IL1RAPL1: variants seen among roughly 807,000 people sequenced by gnomAD.
IL1RAPL1 encodes the protein interleukin-1 receptor accessory protein-like 1.
In IL1RAPL1, 3 loss-of-function variants were observed where a neutral mutation model predicts 48.4. That is an observed-to-expected ratio of 0.06 (90% confidence interval 0.03 to 0.16). The LOEUF (loss-of-function observed/expected upper bound fraction) is 0.16. Ranked by LOEUF, IL1RAPL1 falls within the 10% of genes least tolerant of loss-of-function variation. The pLI, the probability that IL1RAPL1 is intolerant of heterozygous loss-of-function variation, is 1.00. For missense variants in IL1RAPL1, 349 were observed against 530.6 expected (o/e 0.66, Z 3.36); for synonymous variants, 185 against 187.7 (o/e 0.99, Z 0.12).
chrX:29,591,454 C>G (rs1257650736), intron 5 of IL1RAPL1, among the ~76,000 whole-genome samples: 1 of 112,572 alleles, frequency 8.9e-6, no homozygotes, highest in Admixed American at 9.4e-5. Context: ...AGGTCAAACC[C>G]AGTCCTTCTG....
At chrX:28,969,902 AACAC>A (rs67181248) in intron 2 of IL1RAPL1, among the ~76,000 whole-genome samples, 1 of 44,562 alleles carries the variant, frequency 2.2e-5, no homozygotes, top group African/African-American at 1.5e-4. Flanking sequence ...TATGTTTCTA[AACAC>A]ACATATATAT....
Position 29,705,620 on chromosome X carries a change from C to T in IL1RAPL1, c.778+37116C>T, listed in dbSNP as rs774394020. Among the ~76,000 whole-genome samples, 12 of 112,281 alleles carry T rather than the reference C, an allele frequency of 1.1e-4. No homozygotes were observed. In the South Asian group the frequency reaches 1.9e-3, roughly 17 times the overall value. ...AGCAGACTAACATTCACAGTCATTA[C>T]GATACTTTCCCAAAGCCATGTAGCT... On this transcript the variant is annotated intron_variant, in intron 6 of 10. Coordinates refer to ENST00000378993, the MANE Select transcript of IL1RAPL1 (RefSeq NM_014271.4).
At chrX:28,602,054 G>A (rs938014898) in intron 1 of IL1RAPL1, among the ~76,000 whole-genome samples, 12 of 98,678 alleles carry the variant, frequency 1.2e-4, no homozygotes, top group South Asian at 4.8e-4. Context: ...ACAGTGAGCC[G>A]AAATTGCACC....
intron 3 of IL1RAPL1, among the ~76,000 whole-genome samples, chrX:29,317,111 C>T (rs1473948261): frequency 1.8e-5 from 2 of 111,216 alleles, no homozygotes; most frequent in Non-Finnish European, 3.8e-5. Flanking sequence ...GATTATGTTT[C>T]CTAAGGGACC....
intron 2 of IL1RAPL1, among the ~76,000 whole-genome samples, chrX:29,168,479 T>C (rs1003486660): frequency 9.9e-6 from 1 of 100,570 alleles, no homozygotes; most frequent in Non-Finnish European, 2.0e-5. Context: ...TCATTTAACA[T>C]AATATCCTCC....
At chrX:29,708,139 T>C (rs1305759445) in intron 6 of IL1RAPL1, among the ~76,000 whole-genome samples, 1 of 110,860 alleles carries the variant, frequency 9.0e-6, no homozygotes, top group Non-Finnish European at 1.9e-5. Context: ...AAATAATAAT[T>C]GTGTATATTT....
chrX:28,674,683 C>T (rs769210485), intron 1 of IL1RAPL1, among the ~76,000 whole-genome samples: 6 of 111,377 alleles, frequency 5.4e-5, no homozygotes, highest in Admixed American at 1.9e-4. Context: ...AGAGAAACTA[C>T]CTGAGAATTT....
At position 29,150,921 on chromosome X, in the gene IL1RAPL1, C is replaced by CAA. The variant is rs757072950; in HGVS notation, c.83-132003_83-132002dup. Among the ~76,000 whole-genome samples the CAA allele has an allele frequency of 1.8e-3, 77 of 43,731 alleles. 1 individual carries two copies. The highest frequency in any genetic ancestry group is 0.034 in the Middle Eastern group (2 of 58). 38.0% of individuals were successfully genotyped at this position (43,731 alleles called of 115,157 possible). A position where few individuals can be genotyped will look rare whatever the true frequency, so the allele number is the denominator to read the frequency against. On this transcript the variant is annotated intron_variant, in intron 2 of 10. Transcript: ENST00000378993. ...TGGGTGACAGAGCAAGACTCCATCT[C>CAA]AAAAAAAAAAAAAAAGAAAAAAAAA...
chrX:29,262,630 T>C (rs1199754715), intron 2 of IL1RAPL1, among the ~76,000 whole-genome samples: 1 of 105,670 alleles, frequency 9.5e-6, no homozygotes, highest in Non-Finnish European at 1.9e-5. Flanking sequence ...GCCACTGAAC[T>C]CCAGCCTTGG....
chrX:28,807,685 T>G, intron 2 of IL1RAPL1, among the ~76,000 whole-genome samples: 1 of 111,409 alleles, frequency 9.0e-6, no homozygotes, highest in African/African-American at 3.2e-5. Flanking sequence ...AGAAACCAGG[T>G]TCAATATAAT....
chrX:29,569,356 G>A (rs913680332), intron 5 of IL1RAPL1, among the ~76,000 whole-genome samples: 2 of 111,087 alleles, frequency 1.8e-5, no homozygotes, highest in African/African-American at 6.5e-5. Flanking sequence ...ATCTCAGAGA[G>A]CCTGAGAAAC....
intron 2 of IL1RAPL1, among the ~76,000 whole-genome samples, chrX:29,092,709 C>T (rs1163747627): frequency 1.8e-5 from 2 of 111,592 alleles, no homozygotes; most frequent in African/African-American, 6.5e-5. Flanking sequence ...TATATGTCAT[C>T]AGTCAGCAAT....
At chrX:28,761,183 G>A (rs979195564) in intron 1 of IL1RAPL1, among the ~76,000 whole-genome samples, 5 of 110,758 alleles carry the variant, frequency 4.5e-5, no homozygotes, top group African/African-American at 1.6e-4. Context: ...ATTATTTCAG[G>A]CATTGTGGGA....
At chrX:29,788,573 A>C (rs140147063) in intron 6 of IL1RAPL1, among the ~76,000 whole-genome samples, 2,945 of 111,273 alleles carry the variant, frequency 0.026, 75 homozygotes, top group African/African-American at 0.091. Flanking sequence ...TGATATTTTG[A>C]TACACATATA....
intron 8 of IL1RAPL1, among the ~76,000 whole-genome samples, chrX:29,936,518 AAC>A (rs55890071): frequency 0.2 from 18,568 of 93,026 alleles, 1,732 homozygotes; most frequent in African/African-American, 0.32. Flanking sequence ...TATATATAGG[AAC>A]ACACACACAC....
intron 6 of IL1RAPL1, among the ~76,000 whole-genome samples, chrX:29,854,897 A>ACG (rs1931448415): frequency 9.3e-6 from 1 of 107,651 alleles, no homozygotes; most frequent in Admixed American, 1.0e-4. Flanking sequence ...ACCAAATAGC[A>ACG]CACACACACA....
chrX:29,393,777 C>G (rs1407234766), intron 3 of IL1RAPL1, among the ~76,000 whole-genome samples: 1 of 109,154 alleles, frequency 9.2e-6, no homozygotes, highest in Non-Finnish European at 1.9e-5. Context: ...AAAACCTAAG[C>G]ATTTTCTGAA....
intron 3 of IL1RAPL1, among the ~76,000 whole-genome samples, chrX:29,376,405 C>G (rs781279070): frequency 2.3e-4 from 25 of 108,662 alleles, no homozygotes; most frequent in Non-Finnish European, 4.4e-4. Flanking sequence ...GTGTCTCACT[C>G]TGTTAACCAG....
intron 6 of IL1RAPL1, among the ~76,000 whole-genome samples, chrX:29,763,357 A>T (rs903557775): frequency 4.5e-5 from 5 of 111,670 alleles, no homozygotes; most frequent in African/African-American, 1.6e-4. Flanking sequence ...GATTTTTCTC[A>T]TTGGCATTAG....
Sources: allele counts gnomAD v4.1 joint callset (sites outside exome capture counted in the v4.1 genomes callset), GRCh38; gene constraint gnomAD v4.1.1; transcripts MANE v1.5; gene names NCBI Gene and HGNC (gene_info 2026-07-23, HGNC 2026-07-21).